Variants in GUCY1A2 observed in about 807,000 individuals in gnomAD.
GUCY1A2 encodes the protein guanylate cyclase soluble subunit alpha-2.
GUCY1A2 carries 27 observed loss-of-function variants against 63.5 expected under a neutral mutation model. That is an observed-to-expected ratio of 0.43 (90% confidence interval 0.31 to 0.59). The LOEUF (loss-of-function observed/expected upper bound fraction) is 0.59. Among genes scored for constraint, GUCY1A2 ranks in the 20% least tolerant of loss-of-function variants. The probability of loss-of-function intolerance (pLI) is 0.11; values close to 1 mark genes in which losing one functional copy is unlikely to be tolerated. For missense variants in GUCY1A2, 768 were observed against 913.3 expected (o/e 0.84, Z 2.05); for synonymous variants, 364 against 343.5 (o/e 1.06, Z -0.66).
At chr11:106,982,324 T>G (rs1231117657) in intron 2 of GUCY1A2, among the ~76,000 whole-genome samples, 1 of 152,224 alleles carries the variant, frequency 6.6e-6, no homozygotes, top group East Asian at 1.9e-4. Context: ...AAGTGAATCC[T>G]GCCTGTCTGC....
rs948124249 is a variant in GUCY1A2 at position 106,678,346 on chromosome 11, C to T, written c.*9203G>A. ...AAAAAAATTCAGAAGGAGGGTTTCA[C>T]ATTATTGATAAATCAACTAGCTGTT... On this transcript the variant is annotated 3_prime_UTR_variant, in exon 8 of 8. Coordinates refer to ENST00000526355, the MANE Select transcript of GUCY1A2 (RefSeq NM_000855.3). 13 of 208,802 alleles carry T rather than the reference C, an allele frequency of 6.2e-5. No homozygotes were observed. The highest frequency in any genetic ancestry group is 7.8e-5 in the Non-Finnish European group (8 of 102,620). The allele number at this position is 208,802 out of a possible 1,614,324, so 12.9% of individuals were successfully genotyped here.
intron 7 of GUCY1A2, among the ~76,000 whole-genome samples, chr11:106,696,004 C>A (rs1370973872): frequency 6.6e-6 from 1 of 152,058 alleles, no homozygotes; most frequent in Admixed American, 6.6e-5. Context: ...ATTTTTTCTG[C>A]AACCCACCCC....
At chr11:106,708,860 G>C (rs977802214) in intron 6 of GUCY1A2, among the ~76,000 whole-genome samples, 194 bp from the exon 7 acceptor site, 14 of 151,360 alleles carry the variant, frequency 9.2e-5, no homozygotes, top group African/African-American at 2.9e-4. Context: ...GAAGATAAAT[G>C]CTATTGAATA....
intron 6 of GUCY1A2, among the ~76,000 whole-genome samples, chr11:106,761,159 C>G (rs1294437643): frequency 1.3e-5 from 2 of 152,168 alleles, no homozygotes; most frequent in Non-Finnish European, 2.9e-5. Flanking sequence ...GTGAATTTCA[C>G]ATGTTCAGAT....
intron 1 of GUCY1A2, among the ~76,000 whole-genome samples, chr11:107,008,759 T>C (rs1001651607): frequency 1.3e-5 from 2 of 152,020 alleles, no homozygotes; most frequent in African/African-American, 4.8e-5. Flanking sequence ...GGGGAAAAAA[T>C]GGAGTGACAG....
In GUCY1A2 at chr11:106,684,529, G is replaced by A. The variant is rs994041618; in HGVS notation, c.*3020C>T. ...TTCTGAGTACATATTGGGGGATTCTGATTTTGTTAGATAACTGATTTATTT... is the reference window on the plus strand; with the variant it reads ...TTCTGAGTACATATTGGGGGATTCTAATTTTGTTAGATAACTGATTTATTT... On this transcript the variant is annotated 3_prime_UTR_variant, in exon 8 of 8. Coordinates refer to ENST00000526355, the MANE Select transcript of GUCY1A2 (RefSeq NM_000855.3). 1 of 195,050 alleles carries A rather than the reference G, an allele frequency of 5.1e-6. No homozygotes were observed. Among genetic ancestry groups the A allele is most frequent in the Non-Finnish European group, 1.1e-5 (1 of 93,722 alleles). The allele number at this position is 195,050 out of a possible 1,614,324, so 12.1% of individuals were successfully genotyped here.
At chr11:106,990,837 T>G (rs1385511161) in intron 1 of GUCY1A2, among the ~76,000 whole-genome samples, 2 of 152,206 alleles carry the variant, frequency 1.3e-5, no homozygotes, top group African/African-American at 4.8e-5. Context: ...TATTCTTATT[T>G]GATACACACA....
intron 1 of GUCY1A2, among the ~76,000 whole-genome samples, chr11:106,988,626 A>G (rs1861432849): frequency 6.6e-6 from 1 of 152,252 alleles, no homozygotes; most frequent in South Asian, 2.1e-4. Flanking sequence ...CATTAAAAAG[A>G]AATGTTCTCT....
intron 4 of GUCY1A2, among the ~76,000 whole-genome samples, chr11:106,861,622 T>C (rs1859514025): frequency 1.3e-5 from 2 of 152,168 alleles, no homozygotes; most frequent in East Asian, 1.9e-4. Context: ...ACATCCCTAA[T>C]TCTGAAGGCA....
At chr11:106,815,725 G>A (rs764002154) in intron 4 of GUCY1A2, among the ~76,000 whole-genome samples, 2 of 151,694 alleles carry the variant, frequency 1.3e-5, no homozygotes, top group African/African-American at 2.4e-5. Flanking sequence ...TACTTTGATC[G>A]TCATGAGTGG....
chr11:106,844,562 C>T (rs1047541991), intron 4 of GUCY1A2, among the ~76,000 whole-genome samples: 3 of 151,718 alleles, frequency 2.0e-5, no homozygotes, highest in African/African-American at 7.2e-5. Context: ...CTCTTAATTA[C>T]TATTCCTTCA....
In GUCY1A2 at chr11:106,939,786, T is replaced by C. The variant is rs780189867; in HGVS notation, c.880A>G (p.Lys294Glu). 19 of 1,614,088 alleles carry C rather than the reference T, an allele frequency of 1.2e-5. No individual in the cohort carries two copies. The highest frequency in any genetic ancestry group is 1.6e-5 in the Non-Finnish European group (19 of 1,179,906). ...GNCSCLTFLI[K>E]ECENTNIMKN... ...ATGATATTAGTATTTTCACATTCTT[T>C]GATAAGGAAAGTAAGACAGCTACAA... is the stretch of plus-strand genomic sequence containing the variant. The change falls in exon 4 of 8, where the codon AAA (lysine) becomes GAA (glutamate). Residue 294 changes from lysine to glutamate, a missense_variant. Physicochemically the swap from Lys to Glu is moderately conservative, Grantham distance 56. Around this residue, in one of 3 missense-constraint regions of GUCY1A2, gnomAD observed 496 missense variants for 486.9 expected, o/e 1.02. Coordinates refer to ENST00000526355, the MANE Select transcript of GUCY1A2 (RefSeq NM_000855.3).
At chr11:106,928,052 A>G (rs996665352) in intron 4 of GUCY1A2, among the ~76,000 whole-genome samples, 2 of 109,580 alleles carry the variant, frequency 1.8e-5, no homozygotes, top group African/African-American at 7.0e-5. Context: ...ACTCCTGTTT[A>G]TGGCAATTCT....
intron 4 of GUCY1A2, among the ~76,000 whole-genome samples, chr11:106,841,873 T>C (rs1366934966): frequency 6.6e-6 from 1 of 151,956 alleles, no homozygotes; most frequent in African/African-American, 2.4e-5. Context: ...ACTACCTTTT[T>C]TTTCCTATTT....
At chr11:106,951,413 G>A (rs922540586) in intron 3 of GUCY1A2, among the ~76,000 whole-genome samples, 4 of 152,118 alleles carry the variant, frequency 2.6e-5, no homozygotes, top group Admixed American at 6.6e-5. Context: ...ACTATTCCCT[G>A]ACTTTTTAAT....
At chr11:106,729,647 A>ATGAT (rs751111548) in intron 6 of GUCY1A2, among the ~76,000 whole-genome samples, 28 of 152,144 alleles carry the variant, frequency 1.8e-4, no homozygotes, top group Admixed American at 4.6e-4. Context: ...ACAGCAAAAA[A>ATGAT]TGATTCCCTC....
chr11:106,941,260 G>A (rs1210382242), intron 3 of GUCY1A2, among the ~76,000 whole-genome samples: 1 of 152,126 alleles, frequency 6.6e-6, no homozygotes, highest in Non-Finnish European at 1.5e-5. Flanking sequence ...CCACCTTATA[G>A]TGCTGGATAT....
intron 2 of GUCY1A2, among the ~76,000 whole-genome samples, chr11:106,982,298 T>C (rs964890954): frequency 1.6e-4 from 25 of 152,132 alleles, no homozygotes; most frequent in African/African-American, 6.0e-4. Context: ...CTATCCTCAG[T>C]TGCTTTTAAT....
intron 4 of GUCY1A2, among the ~76,000 whole-genome samples, chr11:106,842,345 T>C (rs1859210620): frequency 6.6e-6 from 1 of 151,986 alleles, no homozygotes; most frequent in Non-Finnish European, 1.5e-5. Flanking sequence ...GAGTGTGGCA[T>C]TAAGTTCCTG....
Sources: allele counts gnomAD v4.1 joint callset (sites outside exome capture counted in the v4.1 genomes callset), GRCh38; gene constraint gnomAD v4.1.1; regional missense constraint gnomAD v4.1.1; transcripts MANE v1.5; gene names NCBI Gene and HGNC (gene_info 2026-07-23, HGNC 2026-07-21).